The following FGFBP3 variants were observed in gnomAD, a reference collection of about 807,000 sequenced individuals.
FGFBP3 encodes fibroblast growth factor-binding protein 3.
A neutral mutation model predicts 4.8 loss-of-function variants in FGFBP3; 4 were observed. That is an observed-to-expected ratio of 0.83 (90% CI 0.41 to 1.90). The LOEUF is 1.90. Among genes scored for constraint, FGFBP3 ranks in the 40% most tolerant of loss-of-function variants. The pLI is 0.03. For missense variants in FGFBP3, 429 were observed against 397.4 expected, an observed-to-expected ratio of 1.08 and a Z score of -0.68; for synonymous variants, 215 against 190.0, an observed-to-expected ratio of 1.13 and a Z score of -1.08.
chr10:91,908,137 T>C lies in FGFBP3; in HGVS notation c.*56A>G. 6.4e-7 allele frequency: 1 copy of C among 1,558,644 alleles called. No homozygotes were observed. The highest frequency in any genetic ancestry group is 8.6e-7 in the Non-Finnish European group (1 of 1,157,352). On this transcript the variant is annotated 3_prime_UTR_variant, in exon 2 of 2. Transcript: ENST00000311575. ...AGTACCCCCCGGTCTAAGACGCCCT[T>C]AGCTTTCCCTTCCCCACGCCTCCCC...
chr10:91,908,710 C>T lies in FGFBP3; in HGVS notation c.260G>A (p.Arg87His). Residue 87 changes from arginine to histidine, a missense_variant, in exon 2 of 2, where the codon CGC (arginine) becomes CAC (histidine). Physicochemically the swap from Arg to His is conservative, Grantham distance 29. Coordinates refer to ENST00000311575, the MANE Select transcript of FGFBP3 (RefSeq NM_152429.5). The part of the protein sequence containing the change: ...ALRCQSPDGA[R>H]HQCAYRGHPE... ...ATGCCCGCGGTAGGCGCACTGGTGG[C>T]GCGCCCCGTCCGGGCTCTGGCAGCG... 7.2e-7 allele frequency: 1 copy of T among 1,386,262 alleles called. No homozygotes were observed. The highest frequency in any genetic ancestry group is 1.5e-5 in the African/African-American group (1 of 65,712). 85.9% of individuals were successfully genotyped at this position (1,386,262 alleles called of 1,614,324 possible).
chr10:91,909,083 C>CA, intron 1 of FGFBP3, 36 bp from the exon 2 acceptor site: 1 of 1,219,448 alleles, frequency 8.2e-7, no homozygotes, highest in Non-Finnish European at 1.1e-6. Flanking sequence ...CCAACTGAGC[C>CA]ACACGCAGCG....
In FGFBP3 at chr10:91,908,521, C is replaced by T. The variant is rs751273902; in HGVS notation, c.449G>A (p.Arg150His). Reference sequence around the variant, plus strand: ...GGTGGGGCGTGCGGGCGGGGACGCGCGGGGCACTAGCCGCAGCTCGGCGCC... The same window carrying T: ...GGTGGGGCGTGCGGGCGGGGACGCGTGGGGCACTAGCCGCAGCTCGGCGCC... The part of the protein sequence containing the change: ...GHGAELRLVP[R>H]ASPPARPTVA... Residue 150 changes from arginine to histidine, a missense_variant, in exon 2 of 2, where the codon CGC becomes CAC. Coordinates refer to ENST00000311575, the MANE Select transcript of FGFBP3 (RefSeq NM_152429.5). The T allele has an allele frequency of 2.2e-6, 3 of 1,376,544 alleles. No individual in the cohort carries two copies. Among genetic ancestry groups the T allele is most frequent in the East Asian group, 6.2e-5 (2 of 32,488 alleles). The allele number at this position is 1,376,544 out of a possible 1,614,324, so 85.3% of individuals were successfully genotyped here.
At position 91,908,194 on chromosome 10, in the gene FGFBP3, C is replaced by T. The variant is rs1466503514; in HGVS notation, c.776G>A (p.Ter259=). 1.9e-6 allele frequency: 3 copies of T among 1,595,910 alleles called. No individual in the cohort carries two copies. In the African/African-American group the frequency reaches 4.1e-5, roughly 22 times the overall value. Residue 259 remains the stop codon, a stop_retained_variant, in exon 2 of 2, where the codon TGA becomes TAA. Transcript: ENST00000311575. ...CCCTCCCTAAGCCGGCAGGCAGTCT[C>T]AGCCGTTCCAGAAATTGACAAAGAA... ...CNFFVNFWNG[*] is the part of the protein sequence containing the mutation.
At position 91,908,212 on chromosome 10, in the gene FGFBP3, A is replaced by C. The variant is rs748112920; in HGVS notation, c.758T>G (p.Val253Gly). The change falls in exon 2 of 2, where the codon GTC becomes GGC. Residue 253 changes from valine (V) to glycine (G), a missense_variant. Transcript: ENST00000311575. ...GCAGTCTCAGCCGTTCCAGAAATTG[A>C]CAAAGAAGTTGCAGAGGGAGTGCCA... ...EKWHSLCNFF[V>G]NFWNG is the part of the protein sequence containing the mutation. The C allele has an allele frequency of 6.2e-7, 1 of 1,600,058 alleles. No homozygotes were observed. The highest frequency in any genetic ancestry group is 8.5e-7 in the Non-Finnish European group (1 of 1,173,724).
Position 91,906,915 on chromosome 10 carries a change from CCATA to C in FGFBP3, c.*1274_*1277del, listed in dbSNP as rs1293804343. ...TGCCTTGCCACTTCTTTAAATCTAA[CCATA>C]CAGTTTTTATTGAGCACCTAACATA... On this transcript the variant is annotated 3_prime_UTR_variant, in exon 2 of 2. Transcript: ENST00000311575. The C allele has an allele frequency of 6.6e-6, 1 of 152,156 alleles. No individual in the cohort carries two copies. Among genetic ancestry groups the C allele is most frequent in the Non-Finnish European group, 1.5e-5 (1 of 68,024 alleles). 9.4% of individuals were successfully genotyped at this position (152,156 alleles called of 1,614,324 possible). A position where few individuals can be genotyped will look rare whatever the true frequency, so the allele number is the denominator to read the frequency against.
chr10:91,908,872 G>A lies in FGFBP3; in HGVS notation c.98C>T (p.Ala33Val). 6.3e-7 allele frequency: 1 copy of A among 1,578,674 alleles called. No homozygotes were observed. Residue 33 changes from alanine to valine, a missense_variant, in exon 2 of 2, where the codon GCT becomes GTT. Transcript: ENST00000311575. The stretch of plus-strand genomic sequence containing the variant: ...GGGGACCGGCTCCGCCACGTTGCTA[G>A]CCGCCCCTTTCTCCCTCCGAGCAGC... ...LAAARREKGA[A>V]SNVAEPVPGP...
In FGFBP3 at chr10:91,908,886, C is replaced by T. The variant is rs1208029867; in HGVS notation, c.84G>A (p.Arg28=). The T allele has an allele frequency of 4.4e-6, 7 of 1,591,938 alleles. No homozygotes were observed. In the African/African-American group the frequency reaches 6.7e-5, roughly 15 times the overall value. ...LSGCLLAAAR[R]EKGAASNVAE... is the part of the protein sequence containing the mutation. ...CCACGTTGCTAGCCGCCCCTTTCTC[C>T]CTCCGAGCAGCCGCGAGGAGGCAAC... Residue 28 remains arginine, a synonymous_variant, in exon 2 of 2, where the codon AGG becomes AGA. Transcript: ENST00000311575.
chr10:91,906,628 A>C lies in FGFBP3; in HGVS notation c.*1565T>G, dbSNP rs149856785. On this transcript the variant is annotated 3_prime_UTR_variant, in exon 2 of 2. Coordinates refer to ENST00000311575, the MANE Select transcript of FGFBP3 (RefSeq NM_152429.5). ...TTATATATATAATGGAAAAACATATATATAGTTGCCCCTCCACATCCGTGG... is the reference window on the plus strand; with the variant it reads ...TTATATATATAATGGAAAAACATATCTATAGTTGCCCCTCCACATCCGTGG... 220 of 152,318 alleles carry C rather than the reference A, an allele frequency of 1.4e-3. 1 individual carries two copies. Among genetic ancestry groups the C allele is most frequent in the African/African-American group, 5.1e-3 (211 of 41,548 alleles). 9.4% of individuals were successfully genotyped at this position (152,318 alleles called of 1,614,324 possible). A position where few individuals can be genotyped will look rare whatever the true frequency, so the allele number is the denominator to read the frequency against.
rs1022345664 is a variant in FGFBP3, at chr10:91,907,932, C to A, written c.*261G>T. ...CAGTTTTTGCACATTTAAAGTACGC[C>A]TATTTCTGTTTCCATTATTTTTCCT... On this transcript the variant is annotated 3_prime_UTR_variant, in exon 2 of 2. Coordinates refer to ENST00000311575, the MANE Select transcript of FGFBP3 (RefSeq NM_152429.5). The A allele has an allele frequency of 2.4e-5, 11 of 450,182 alleles. No homozygotes were observed. The highest frequency in any genetic ancestry group is 4.3e-5 in the Non-Finnish European group (11 of 258,002). 27.9% of individuals were successfully genotyped at this position (450,182 alleles called of 1,614,324 possible). A position where few individuals can be genotyped will look rare whatever the true frequency, so the allele number is the denominator to read the frequency against.
Position 91,908,217 on chromosome 10 carries a change from G to A in FGFBP3, c.753C>T (p.Phe251=), listed in dbSNP as rs1843314040. ...CAEKWHSLCN[F]FVNFWNG is the part of the protein sequence containing the mutation. ...CTCAGCCGTTCCAGAAATTGACAAAGAAGTTGCAGAGGGAGTGCCACTTCT... is the reference window on the plus strand; with the variant it reads ...CTCAGCCGTTCCAGAAATTGACAAAAAAGTTGCAGAGGGAGTGCCACTTCT... The change falls in exon 2 of 2, where the codon TTC becomes TTT. Residue 251 remains phenylalanine, a synonymous_variant. Transcript: ENST00000311575. 6.2e-7 allele frequency: 1 copy of A among 1,601,434 alleles called. No homozygotes were observed. The highest frequency in any genetic ancestry group is 1.7e-4 in the Middle Eastern group (1 of 6,028).
chr10:91,908,383 T>C lies in FGFBP3; in HGVS notation c.587A>G (p.Lys196Arg), dbSNP rs11186740. Residue 196 changes from lysine to arginine, a missense_variant, in exon 2 of 2, where the codon AAA becomes AGA. Coordinates refer to ENST00000311575, the MANE Select transcript of FGFBP3 (RefSeq NM_152429.5). ...GGTCTTCCTCTCTGAGGGGTTTTCT[T>C]TGGGCGGTGCGCTTTGGGGAGGCGG... ...GTPPPQSAPP[K>R]ENPSERKTNE... 0.014 allele frequency: 21,471 copies of C among 1,564,222 alleles called. 180 individuals are homozygous for C. The highest frequency in any genetic ancestry group is 0.042 in the Middle Eastern group (250 of 5,900).
Position 91,908,832 on chromosome 10 carries a change from G to GCCGCCAGTGGGCCCGGGGACCGGCT in FGFBP3, c.113_137dup (p.Ser47AlafsTer205), listed in dbSNP as rs1564642369. On this transcript the variant is annotated frameshift_variant, in exon 2 of 2. Coordinates refer to ENST00000311575, the MANE Select transcript of FGFBP3 (RefSeq NM_152429.5). LOFTEE classifies it low-confidence loss of function (END_TRUNC). Reference sequence around the variant, plus strand: ...CGGGGCTGAGGAAGCGACCCGAGGAGCCGCCAGTGGGCCCGGGGACCGGCT... The same window carrying GCCGCCAGTGGGCCCGGGGACCGGCT: ...CGGGGCTGAGGAAGCGACCCGAGGAGCCGCCAGTGGGCCCGGGGACCGGCTCCGCCAGTGGGCCCGGGGACCGGCT... 2.0e-6 allele frequency: 3 copies of GCCGCCAGTGGGCCCGGGGACCGGCT among 1,534,014 alleles called. No individual in the cohort carries two copies. In the African/African-American group the frequency reaches 4.2e-5, roughly 21 times the overall value.
At position 91,908,976 on chromosome 10, in the gene FGFBP3, C is replaced by T. The variant is rs568148727; in HGVS notation, c.-7G>A. ...GCAGCTTCGGAGGAGTCATGCTCCG[C>T]GGTTTCCGCGCTCCGCTGTTCTCAG... On this transcript the variant is annotated 5_prime_UTR_variant, in exon 2 of 2. Transcript: ENST00000311575. 1.9e-6 allele frequency: 3 copies of T among 1,567,686 alleles called. No homozygotes were observed. Among genetic ancestry groups the T allele is most frequent in the South Asian group, 2.4e-5 (2 of 84,910 alleles).
At position 91,908,301 on chromosome 10, in the gene FGFBP3, G is replaced by A. The variant is rs140442876; in HGVS notation, c.669C>T (p.Thr223=). 4.0e-4 allele frequency: 638 copies of A among 1,601,162 alleles called. No individual in the cohort carries two copies. Among genetic ancestry groups the A allele is most frequent in the Non-Finnish European group, 5.2e-4 (614 of 1,174,196 alleles). The change falls in exon 2 of 2, where the codon ACC becomes ACT. Residue 223 remains threonine (T), a synonymous_variant. Transcript: ENST00000311575. ...CGTCCAGCCCGTCGGGGTCGGGCCC[G>A]GTCCCCATGGGTCGCTCCTCGTTGG... ...LVPNEERPMG[T]GPDPDGLDGN...
rs543578833 is a variant in FGFBP3 at position 91,908,808 on chromosome 10, G to C, written c.162C>G (p.Pro54=). The change falls in exon 2 of 2, where the codon CCC becomes CCG. Residue 54 remains proline (P), a synonymous_variant. Transcript: ENST00000311575. ...GCTGCCAGCTGCACGCGTGCTGCTC[G>C]GGGCTGAGGAAGCGACCCGAGGAGC... The part of the protein sequence containing the change: ...TGGSSGRFLS[P]EQHACSWQLL... 1.2e-5 allele frequency: 18 copies of C among 1,502,400 alleles called. No homozygotes were observed. The South Asian group carries it at 2.0e-4, about 17-fold the overall frequency. 93.1% of individuals were successfully genotyped at this position (1,502,400 alleles called of 1,614,324 possible).
rs1269096193 is a variant in FGFBP3, at chr10:91,908,643, G to A, written c.327C>T (p.Phe109=). The A allele has an allele frequency of 1.4e-6, 2 of 1,436,872 alleles. No homozygotes were observed. Among genetic ancestry groups the A allele is most frequent in the Admixed American group, 5.3e-5 (2 of 37,396 alleles). 89.0% of individuals were successfully genotyped at this position (1,436,872 alleles called of 1,614,324 possible). Residue 109 remains phenylalanine, a synonymous_variant, in exon 2 of 2, where the codon TTC becomes TTT. Transcript: ENST00000311575. ...CAAYAARRAH[F]WKQVLGGLRK... is the part of the protein sequence containing the mutation. ...GCAGCCCTCCCAGCACCTGCTTCCA[G>A]AAGTGCGCGCGGCGAGCGGCGTAGG...
chr10:91,908,580 G>C lies in FGFBP3; in HGVS notation c.390C>G (p.Leu130=). The C allele has an allele frequency of 1.4e-6, 2 of 1,416,230 alleles. No individual in the cohort carries two copies. Among genetic ancestry groups the C allele is most frequent in the Non-Finnish European group, 9.2e-7 (1 of 1,092,286 alleles). The allele number at this position is 1,416,230 out of a possible 1,614,324, so 87.7% of individuals were successfully genotyped here. Residue 130 remains leucine, a synonymous_variant, in exon 2 of 2, where the codon CTC becomes CTG. Transcript: ENST00000311575. ...KRRPCHDPAP[L]QARLCAGKKG... ...TCTTGCCCGCGCACAAGCGGGCCTG[G>C]AGCGGCGCGGGGTCGTGACAGGGCC...
In FGFBP3 at chr10:91,907,851, C is replaced by T. The variant is rs568225099; in HGVS notation, c.*342G>A. 193 of 244,518 alleles carry T rather than the reference C, an allele frequency of 7.9e-4. 1 individual carries two copies. Among genetic ancestry groups the T allele is most frequent in the African/African-American group, 4.1e-3 (180 of 43,644 alleles). 15.1% of individuals were successfully genotyped at this position (244,518 alleles called of 1,614,324 possible). A position where few individuals can be genotyped will look rare whatever the true frequency, so the allele number is the denominator to read the frequency against. On this transcript the variant is annotated 3_prime_UTR_variant, in exon 2 of 2. Coordinates refer to ENST00000311575, the MANE Select transcript of FGFBP3 (RefSeq NM_152429.5). ...CATGGGACTCACATCACTTTAGTCA[C>T]TCTATCTCCCCCTTATTCTCAGCCT...
Sources: allele counts gnomAD v4.1 joint callset, GRCh38; gene constraint gnomAD v4.1.1; transcripts MANE v1.5; gene names NCBI Gene and HGNC (gene_info 2026-07-23, HGNC 2026-07-21).